Variants in CSMD1 observed in about 807,000 individuals in gnomAD.
CSMD1 encodes the protein CUB and sushi domain-containing protein 1.
CSMD1 carries 213 observed loss-of-function variants against 417.5 expected under a neutral mutation model. The ratio of observed to expected loss-of-function variants is 0.51; its 90% CI spans 0.46 to 0.57. The LOEUF is 0.57. Among genes scored for constraint, CSMD1 ranks in the 20% least tolerant of loss-of-function variants. The probability of loss-of-function intolerance (pLI) is 0.00; values close to 1 mark genes in which losing one functional copy is unlikely to be tolerated. For missense variants in CSMD1, 6,923 were observed against 4,529.7 expected, an observed-to-expected ratio of 1.53 and a Z score of -15.17; for synonymous variants, 2,862 against 1,736.8, an observed-to-expected ratio of 1.65 and a Z score of -16.11.
intron 3 of CSMD1, among the ~76,000 whole-genome samples, chr8:4,295,508 CAT>C (rs1190356235): frequency 4.2e-5 from 6 of 143,336 alleles, no homozygotes; most frequent in Admixed American, 1.4e-4. Context: ...ATCTTATACA[CAT>C]ATAATCTTAT....
intron 1 of CSMD1, among the ~76,000 whole-genome samples, chr8:4,974,842 T>G (rs9644380): frequency 1.3e-5 from 2 of 152,212 alleles, no homozygotes; most frequent in East Asian, 3.9e-4. Flanking sequence ...ATGATGTATG[T>G]TATTAAGCAT....
At chr8:4,052,402 T>C (rs1468114993) in intron 3 of CSMD1, among the ~76,000 whole-genome samples, 1 of 152,196 alleles carries the variant, frequency 6.6e-6, no homozygotes, top group Non-Finnish European at 1.5e-5. Flanking sequence ...GACCTATTTC[T>C]CCAAGTTCCA....
intron 17 of CSMD1, among the ~76,000 whole-genome samples, chr8:3,389,547 G>C (rs1811219546): frequency 6.6e-6 from 1 of 152,114 alleles, no homozygotes; most frequent in Non-Finnish European, 1.5e-5. Flanking sequence ...CTTCAAAAAG[G>C]TTTCTGTGGT....
chr8:3,944,471 A>G (rs140696622), intron 5 of CSMD1, among the ~76,000 whole-genome samples: 14 of 152,002 alleles, frequency 9.2e-5, no homozygotes, highest in South Asian at 4.1e-4. Context: ...TTTTTCCCTG[A>G]AAGTTTTGAT....
intron 3 of CSMD1, among the ~76,000 whole-genome samples, chr8:4,416,264 G>T (rs1042214527): frequency 4.6e-5 from 7 of 152,058 alleles, no homozygotes; most frequent in Non-Finnish European, 1.0e-4. Context: ...TTTTCCGAAA[G>T]CTACTGGATC....
chr8:4,075,347 A>G (rs1383775413), intron 3 of CSMD1, among the ~76,000 whole-genome samples: 3 of 152,202 alleles, frequency 2.0e-5, no homozygotes, highest in Non-Finnish European at 4.4e-5. Flanking sequence ...AGAGCTCTCT[A>G]AGATGAAGTG....
intron 66 of CSMD1, among the ~76,000 whole-genome samples, chr8:2,950,649 A>C (rs570621577): frequency 6.6e-6 from 1 of 152,280 alleles, no homozygotes; most frequent in Non-Finnish European, 1.5e-5. Flanking sequence ...CTCTCTCTAA[A>C]AAAGTATACA....
At chr8:3,223,977 T>C in intron 27 of CSMD1, 110 bp from the exon 28 acceptor site, 2 of 1,037,494 alleles carry the variant, frequency 1.9e-6, no homozygotes, top group Non-Finnish European at 2.8e-6. Context: ...CATCAGCATT[T>C]TTACCAGTCC....
intron 4 of CSMD1, among the ~76,000 whole-genome samples, chr8:4,014,708 C>G (rs1321278208): frequency 1.3e-5 from 2 of 152,200 alleles, no homozygotes; most frequent in South Asian, 4.1e-4. Context: ...GCTAGAATGA[C>G]AAAGTCCTTG....
chr8:3,857,265 G>A (rs1028445979), intron 5 of CSMD1, among the ~76,000 whole-genome samples: 1 of 152,154 alleles, frequency 6.6e-6, no homozygotes, highest in Non-Finnish European at 1.5e-5. Context: ...TTTACAAATG[G>A]AGTAATCTTT....
At chr8:4,907,374 G>T (rs780946432) in intron 1 of CSMD1, among the ~76,000 whole-genome samples, 3 of 152,146 alleles carry the variant, frequency 2.0e-5, no homozygotes, top group Non-Finnish European at 4.4e-5. Context: ...AAATGAGAAG[G>T]TCCCTTGTTA....
At chr8:2,942,818 C>G (rs1801980765) in intron 68 of CSMD1, among the ~76,000 whole-genome samples, 1 of 152,128 alleles carries the variant, frequency 6.6e-6, no homozygotes, top group African/African-American at 2.4e-5. Context: ...ATGGAGAATA[C>G]TATGAAAGAG....
intron 4 of CSMD1, among the ~76,000 whole-genome samples, chr8:4,017,388 C>T (rs1042470279): frequency 6.6e-6 from 1 of 152,164 alleles, no homozygotes; most frequent in African/African-American, 2.4e-5. Flanking sequence ...TCACTACAAC[C>T]TCCGCCTCCC....
intron 3 of CSMD1, among the ~76,000 whole-genome samples, chr8:4,319,819 C>A (rs569534947): frequency 6.6e-6 from 1 of 152,120 alleles, no homozygotes; most frequent in East Asian, 1.9e-4. Flanking sequence ...TGTAGAGGAC[C>A]CTCGGGGTCT....
intron 5 of CSMD1, among the ~76,000 whole-genome samples, chr8:3,914,166 A>G (rs1808647158): frequency 6.6e-6 from 1 of 152,134 alleles, no homozygotes; most frequent in Admixed American, 6.6e-5. Flanking sequence ...CAGTCAGAGA[A>G]AACAAGAAAA....
intron 26 of CSMD1, among the ~76,000 whole-genome samples, chr8:3,282,173 C>T: frequency 6.6e-6 from 1 of 152,154 alleles, no homozygotes; most frequent in East Asian, 1.9e-4. Context: ...CCATGGAATG[C>T]ATAACACCAA....
intron 18 of CSMD1, among the ~76,000 whole-genome samples, chr8:3,379,069 G>C (rs1349325615): frequency 2.0e-5 from 3 of 152,162 alleles, no homozygotes. Context: ...CAATATCAAT[G>C]TGCGAAAAGC....
chr8:3,490,419 G>C lies in CSMD1; in HGVS notation c.1448+3204C>G, dbSNP rs1818303849. Among the ~76,000 whole-genome samples the C allele has an allele frequency of 2.0e-5, 3 of 152,230 alleles. No individual in the cohort carries two copies. The South Asian group carries it at 6.2e-4, about 32-fold the overall frequency. ...AATAATAACCTAAGGGATTTCATAAGGCATTACCTGCCTGCATTTATATTT... is the reference window on the plus strand; with the variant it reads ...AATAATAACCTAAGGGATTTCATAACGCATTACCTGCCTGCATTTATATTT... On this transcript the variant is annotated intron_variant, in intron 11 of 69. Transcript: ENST00000635120.
intron 7 of CSMD1, among the ~76,000 whole-genome samples, chr8:3,655,284 C>T (rs565955186): frequency 4.7e-4 from 72 of 152,238 alleles, no homozygotes; most frequent in African/African-American, 1.6e-3. Flanking sequence ...AACATGAAGG[C>T]TATCTTTGTG....
Sources: allele counts gnomAD v4.1 joint callset (sites outside exome capture counted in the v4.1 genomes callset), GRCh38; gene constraint gnomAD v4.1.1; transcripts MANE v1.5; gene names NCBI Gene and HGNC (gene_info 2026-07-23, HGNC 2026-07-21).